The following HPX variants were observed in gnomAD, a reference collection of about 807,000 sequenced individuals.
HPX encodes hemopexin.
HPX carries 42 observed loss-of-function variants against 53.8 expected under a neutral mutation model. The ratio of observed to expected loss-of-function variants is 0.78; its 90% confidence interval spans 0.61 to 1.01. The LOEUF (loss-of-function observed/expected upper bound fraction) is 1.01, where lower values mean the gene tolerates loss of function less well. Among genes scored for constraint, HPX ranks in the 50% least tolerant of loss-of-function variants. The pLI, the probability that HPX is intolerant of heterozygous loss-of-function variation, is 0.00. For missense variants in HPX, 547 were observed against 594.3 expected, an observed-to-expected ratio of 0.92 and a Z score of 0.83; for synonymous variants, 229 against 221.1, an observed-to-expected ratio of 1.04 and a Z score of -0.32.
In HPX at chr11:6,436,439, C is replaced by T. The variant is rs531861687; in HGVS notation, c.835+607G>A. The stretch of plus-strand genomic sequence containing the variant: ...AGATGGCTTTTACCAATTGATGCCA[C>T]GGGTCAAGGGAGGGGTATCTCCATT... On this transcript the variant is annotated intron_variant, in intron 7 of 9. Coordinates refer to ENST00000265983, the MANE Select transcript of HPX (RefSeq NM_000613.3). 1.2e-3 allele frequency among the ~76,000 whole-genome samples: 178 copies of T among 152,232 alleles called. 1 individual carries two copies. Among genetic ancestry groups the T allele is most frequent in the African/African-American group, 3.7e-3 (152 of 41,520 alleles).
In HPX at chr11:6,440,591, A is replaced by G. The variant is rs1004407443; in HGVS notation, c.143-53T>C. ...GTAAAAAAAAAAAAAAAAAAAAAAA[A>G]AAAAAAAAAAAACCAGAAGGTGATA... On this transcript the variant is annotated intron_variant, in intron 2 of 9. Transcript: ENST00000265983. 105 of 1,321,738 alleles carry G rather than the reference A, an allele frequency of 7.9e-5. 3 individuals carry two copies. The African/African-American group carries it at 1.3e-3, about 16-fold the overall frequency. The allele number at this position is 1,321,738 out of a possible 1,614,324, so 81.9% of individuals were successfully genotyped here.
At chr11:6,440,316 C>T (rs752036081) in intron 3 of HPX, 30 bp from the exon 4 acceptor site, 7 of 1,612,958 alleles carry the variant, frequency 4.3e-6, no homozygotes, top group Non-Finnish European at 5.9e-6. Flanking sequence ...CTGAGGGGCC[C>T]AGTGAGAAAC....
rs778515074 is a variant in HPX at position 6,432,013 on chromosome 11, G to T, written c.840C>A (p.Thr280=). 1.7e-5 allele frequency: 27 copies of T among 1,614,172 alleles called. No homozygotes were observed. The East Asian group carries it at 6.0e-4, about 36-fold the overall frequency. ...NHGATYAFSG[T]HYWRLDTSRD... is the part of the protein sequence containing the mutation. ...GGCTGGTGTCCAGACGCCAGTAGTG[G>T]GTCCCTGTGGAATACCATAGGTTGC... The change falls in exon 8 of 10, where the codon ACC becomes ACA. Residue 280 remains threonine, a synonymous_variant. Transcript: ENST00000265983.
intron 4 of HPX, 90 bp from the exon 5 acceptor site, chr11:6,438,599 C>T (rs570273288): frequency 2.8e-5 from 33 of 1,181,024 alleles, no homozygotes; most frequent in Non-Finnish European, 3.5e-5. Flanking sequence ...TGTGCTTATA[C>T]GATATCCTCC....
rs1260467735 is a variant in HPX, at chr11:6,431,678, A to G, written c.1092T>C (p.Phe364=). Reference sequence around the variant, plus strand: ...GGAGCCGAGAAGACCCAGGGCAGATAAAGGCCGCATCCACAGAGTCCAGGA... The same window carrying G: ...GGAGCCGAGAAGACCCAGGGCAGATGAAGGCCGCATCCACAGAGTCCAGGA... ...GIILDSVDAA[F]ICPGSSRLHI... The change falls in exon 9 of 10, where the codon TTT becomes TTC. Residue 364 remains phenylalanine (F), a synonymous_variant. Coordinates refer to ENST00000265983, the MANE Select transcript of HPX (RefSeq NM_000613.3). 2 of 1,614,014 alleles carry G rather than the reference A, an allele frequency of 1.2e-6. No homozygotes were observed. The highest frequency in any genetic ancestry group is 1.7e-6 in the Non-Finnish European group (2 of 1,180,028).
chr11:6,437,282 TATGAGGGCAATGG>T, intron 6 of HPX, 105 bp from the exon 7 acceptor site: 1 of 1,434,964 alleles, frequency 7.0e-7, no homozygotes, highest in Non-Finnish European at 9.6e-7. Flanking sequence ...GGTTTCCCCA[TATGAGGGCAATGG>T]GAAAATCCAG....
At chr11:6,440,337 C>T (rs1449483908) in intron 3 of HPX, 51 bp from the exon 4 acceptor site, 6 of 1,610,060 alleles carry the variant, frequency 3.7e-6, no homozygotes, top group Admixed American at 1.7e-5. Flanking sequence ...CTTTGACCTA[C>T]TGAGATAGCT....
At chr11:6,432,921 C>A (rs937235220) in intron 7 of HPX, among the ~76,000 whole-genome samples, 2 of 152,184 alleles carry the variant, frequency 1.3e-5, no homozygotes, top group Non-Finnish European at 2.9e-5. Flanking sequence ...CCAATCTGTT[C>A]TCGTCAGCTC....
In HPX at chr11:6,431,235, G is replaced by A; in HGVS notation, c.1365C>T (p.Thr455=). 1 of 1,614,230 alleles carries A rather than the reference G, an allele frequency of 6.2e-7. No homozygotes were observed. The highest frequency in any genetic ancestry group is 8.5e-7 in the Non-Finnish European group (1 of 1,180,040). Residue 455 remains threonine (T), a synonymous_variant, in exon 10 of 10, where the codon ACC becomes ACT. Transcript: ENST00000265983. Reference sequence around the variant, plus strand: ...CTCAGTGAGTGCAGCCCAGGAGACTGGTCACATTCTGGGGTTGCGGAAGGG... The same window carrying A: ...CTCAGTGAGTGCAGCCCAGGAGACTAGTCACATTCTGGGGTTGCGGAAGGG... The part of the protein sequence containing the change: ...AKALPQPQNV[T]SLLGCTH
chr11:6,438,589 T>G, intron 4 of HPX, 80 bp from the exon 5 acceptor site: 1 of 1,300,820 alleles, frequency 7.7e-7, no homozygotes, highest in South Asian at 1.3e-5. Flanking sequence ...TTTTATCTAC[T>G]GTGCTTATAC....
In HPX at chr11:6,437,622, G is replaced by A. The variant is rs149204852; in HGVS notation, c.521C>T (p.Thr174Met). 8.1e-4 allele frequency: 1,304 copies of A among 1,614,150 alleles called. 7 individuals are homozygous for A. In the African/African-American group the frequency reaches 0.015, roughly 18 times the overall value. Residue 174 changes from threonine to methionine, a missense_variant, in exon 6 of 10, where the codon ACG becomes ATG. Coordinates refer to ENST00000265983, the MANE Select transcript of HPX (RefSeq NM_000613.3). ...CCAGGAACGCTCCTTCATGGTTCCC[G>A]TAGCCAAGTCCCAGAACCACTCGCG... The part of the protein sequence containing the change: ...GDREWFWDLA[T>M]GTMKERSWPA...
In HPX at chr11:6,437,561, C is replaced by A. The variant is rs1849431608; in HGVS notation, c.582G>T (p.Trp194Cys). Reference protein sequence around the residue: ...AVGNCSSALRWLGRYYCFQGN... With the variant: ...AVGNCSSALRCLGRYYCFQGN... ...CCTGGAAGCAGTAGTAGCGGCCCAG[C>A]CATCTCAGGGCAGAGGAGCAGTTCC... The change falls in exon 6 of 10, where the codon TGG becomes TGT. Residue 194 changes from tryptophan (W) to cysteine (C), a missense_variant. Trp to Cys is a radical substitution (Grantham distance 215). Coordinates refer to ENST00000265983, the MANE Select transcript of HPX (RefSeq NM_000613.3). 2 of 1,614,022 alleles carry A rather than the reference C, an allele frequency of 1.2e-6. No homozygotes were observed. Among genetic ancestry groups the A allele is most frequent in the Non-Finnish European group, 1.7e-6 (2 of 1,179,960 alleles).
At position 6,431,999 on chromosome 11, in the gene HPX, A is replaced by G; in HGVS notation, c.854T>C (p.Leu285Pro). 6.2e-7 allele frequency: 1 copy of G among 1,614,238 alleles called. No individual in the cohort carries two copies. The highest frequency in any genetic ancestry group is 1.1e-5 in the South Asian group (1 of 91,088). The change falls in exon 8 of 10, where the codon CTG (leucine) becomes CCG (proline). Residue 285 changes from leucine (L) to proline (P), a missense_variant. Physicochemically the swap from Leu to Pro is moderately conservative, Grantham distance 98. Coordinates refer to ENST00000265983, the MANE Select transcript of HPX (RefSeq NM_000613.3). ...YAFSGTHYWR[L>P]DTSRDGWHSW... ...ATGCCAGCCATCCCGGCTGGTGTCC[A>G]GACGCCAGTAGTGGGTCCCTGTGGA...
Position 6,431,645 on chromosome 11 carries a change from C to T in HPX, c.1125G>A (p.Met375Ile). The change falls in exon 9 of 10, where the codon ATG becomes ATA. Residue 375 changes from methionine (M) to isoleucine (I), a missense_variant. Transcript: ENST00000265983. The stretch of plus-strand genomic sequence containing the variant: ...AAGCACCCAGAAGCCCCTCACCTGC[C>T]ATGATATGGAGCCGAGAAGACCCAG... Reference protein sequence around the residue: ...ICPGSSRLHIMAGRRLWWLDL... With the variant: ...ICPGSSRLHIIAGRRLWWLDL... 1.2e-6 allele frequency: 2 copies of T among 1,613,622 alleles called. No homozygotes were observed. Among genetic ancestry groups the T allele is most frequent in the African/African-American group, 2.7e-5 (2 of 75,034 alleles).
At chr11:6,438,558 C>A (rs1476067016) in intron 4 of HPX, 49 bp from the exon 5 acceptor site, 1 of 1,549,118 alleles carries the variant, frequency 6.5e-7, no homozygotes, top group African/African-American at 1.4e-5. Context: ...CAGATACTGC[C>A]ACTCTGCATT....
intron 7 of HPX, among the ~76,000 whole-genome samples, chr11:6,435,146 G>A (rs1224353127): frequency 6.6e-6 from 1 of 152,078 alleles, no homozygotes; most frequent in Non-Finnish European, 1.5e-5. Context: ...ATGGTGGTAT[G>A]CGCCTGTAGT....
chr11:6,440,782 A>G, intron 1 of HPX, 52 bp from the exon 2 acceptor site: 1 of 1,598,148 alleles, frequency 6.3e-7, no homozygotes. Context: ...TCCCTTTCCC[A>G]TAGCCCCTGA....
At position 6,440,284 on chromosome 11, in the gene HPX, C is replaced by T. The variant is rs145717323; in HGVS notation, c.217G>A (p.Glu73Lys). ...CATTTGTGACTCTTCCACACAAACT[C>T]CCCTGAAAAAACCCACACTCACTGA... ...DNGTMLFFKG[E>K]FVWKSHKWDR... is the part of the protein sequence containing the mutation. The change falls in exon 4 of 10, where the codon GAG becomes AAG. Residue 73 changes from glutamate (E) to lysine (K), a missense_variant and splice_region_variant. By Grantham distance (56) the Glu-to-Lys change is moderately conservative. Transcript: ENST00000265983. 1.9e-6 allele frequency: 3 copies of T among 1,613,832 alleles called. No individual in the cohort carries two copies. The highest frequency in any genetic ancestry group is 1.7e-6 in the Non-Finnish European group (2 of 1,180,020).
chr11:6,437,858 C>G (rs372267056), intron 5 of HPX: 49 of 593,726 alleles, frequency 8.3e-5, no homozygotes, highest in East Asian at 5.8e-4. Flanking sequence ...TGGGGAGAGT[C>G]TGGGAAAACT....
Sources: allele counts gnomAD v4.1 joint callset (sites outside exome capture counted in the v4.1 genomes callset), GRCh38; gene constraint gnomAD v4.1.1; transcripts MANE v1.5; gene names NCBI Gene and HGNC (gene_info 2026-07-23, HGNC 2026-07-21).